Variants in DNAH8 observed in about 807,000 individuals in gnomAD.
The protein encoded by DNAH8 is dynein axonemal heavy chain 8, also known as axonemal beta dynein heavy chain 8.
A neutral mutation model predicts 562.1 loss-of-function variants in DNAH8; 382 were observed. That is an observed-to-expected ratio of 0.68 (90% CI 0.63 to 0.74). The LOEUF (loss-of-function observed/expected upper bound fraction) is 0.74, where lower values mean the gene tolerates loss of function less well. DNAH8 is among the 30% of genes least tolerant of loss of function. The pLI is 0.00. For missense variants in DNAH8, 5,203 were observed against 5,620.4 expected (o/e 0.93, Z 2.37); for synonymous variants, 1,881 against 1,919.4 (o/e 0.98, Z 0.52).
chr6:38,763,487 T>C (rs1252639415), intron 11 of DNAH8: 3 of 251,076 alleles, frequency 1.2e-5, no homozygotes, highest in African/African-American at 2.3e-5. Flanking sequence ...ATAATACACA[T>C]AGCTGTGATA....
At chr6:39,001,238 G>A (rs948394608) in intron 88 of DNAH8, among the ~76,000 whole-genome samples, 4 of 151,756 alleles carry the variant, frequency 2.6e-5, no homozygotes, top group Non-Finnish European at 4.4e-5. Flanking sequence ...CTTCTACATG[G>A]CCATTTCTGC....
intron 71 of DNAH8, among the ~76,000 whole-genome samples, chr6:38,922,026 GTCA>G (rs1300490863): frequency 1.3e-5 from 1 of 74,768 alleles, no homozygotes; most frequent in Non-Finnish European, 4.2e-5. Flanking sequence ...ACAAGGTAAT[GTCA>G]TCAGTTAAGG....
At chr6:38,787,753 G>T (rs868107746) in intron 18 of DNAH8, among the ~76,000 whole-genome samples, 2 of 144,586 alleles carry the variant, frequency 1.4e-5, no homozygotes, top group South Asian at 2.2e-4. Context: ...TTCAATCTTT[G>T]ATTCAAAGGT....
chr6:38,909,305 C>T lies in DNAH8; in HGVS notation c.9514-213C>T, dbSNP rs111555117. On this transcript the variant is annotated intron_variant, in intron 64 of 92. Transcript: ENST00000327475. ...TTAAAAGAAAGTTCCTAGAATTGAA[C>T]GCAATAATGTAGATGTAGTCCCAGG... 7.5e-3 allele frequency among the ~76,000 whole-genome samples: 1,138 copies of T among 152,268 alleles called. 12 individuals carry two copies. Among genetic ancestry groups the T allele is most frequent in the African/African-American group, 0.024 (1,013 of 41,538 alleles).
chr6:38,758,986 T>A (rs549813992), intron 10 of DNAH8, among the ~76,000 whole-genome samples: 16 of 152,208 alleles, frequency 1.1e-4, no homozygotes, highest in South Asian at 4.1e-4. Context: ...TGGTCTTTTT[T>A]AAAATAATTT....
chr6:38,887,266 T>C (rs983858377), intron 57 of DNAH8, among the ~76,000 whole-genome samples: 3 of 152,202 alleles, frequency 2.0e-5, no homozygotes, highest in African/African-American at 7.2e-5. Flanking sequence ...TTTCAGGACA[T>C]GGTTAATCAG....
intron 68 of DNAH8, among the ~76,000 whole-genome samples, chr6:38,916,560 T>A (rs977966529): frequency 1.3e-5 from 2 of 152,218 alleles, no homozygotes. Context: ...AATAAATCTA[T>A]GATAATCATT....
At chr6:38,988,985 G>C (rs117878099) in intron 87 of DNAH8, among the ~76,000 whole-genome samples, 1 of 152,334 alleles carries the variant, frequency 6.6e-6, no homozygotes, top group East Asian at 1.9e-4. Context: ...AGAAAGGACT[G>C]TGTGTCTCTT....
intron 42 of DNAH8, among the ~76,000 whole-genome samples, chr6:38,858,616 A>G (rs1776376011): frequency 6.6e-6 from 1 of 152,194 alleles, no homozygotes. Context: ...CTCCCATCCA[A>G]GACCTACTGA....
chr6:39,021,299 G>C (rs1462643296), intron 91 of DNAH8, among the ~76,000 whole-genome samples: 1 of 152,032 alleles, frequency 6.6e-6, no homozygotes, highest in Non-Finnish European at 1.5e-5. Flanking sequence ...CCCCACTCTT[G>C]ATCTACCTAC....
chr6:38,823,792 C>A, intron 28 of DNAH8, 104 bp downstream of exon 28: 1 of 560,008 alleles, frequency 1.8e-6, no homozygotes, highest in East Asian at 3.1e-5. Context: ...TAGTATTATA[C>A]CAAGATATAA....
rs369088361 is a variant in DNAH8, at chr6:38,926,063, G to A, written c.10971G>A (p.Glu3657=). Reference sequence around the variant, plus strand: ...CATTTCCTGTTGTTCAGATTGGTGAGTGGGGGCTACAGGGATTACCAGGAG... The same window carrying A: ...CATTTCCTGTTGTTCAGATTGGTGAATGGGGGCTACAGGGATTACCAGGAG... ...SMLVDPPTIG[E]WGLQGLPGDD... The change falls in exon 74 of 93, where the codon GAG becomes GAA. Residue 3657 remains glutamate (E), a synonymous_variant. Transcript: ENST00000327475. 7 of 1,613,050 alleles carry A rather than the reference G, an allele frequency of 4.3e-6. No individual in the cohort carries two copies. In the African/African-American group the frequency reaches 9.4e-5, roughly 22 times the overall value.
intron 17 of DNAH8, among the ~76,000 whole-genome samples, chr6:38,786,253 A>G (rs1385300742): frequency 6.6e-6 from 1 of 152,258 alleles, no homozygotes; most frequent in Non-Finnish European, 1.5e-5. Flanking sequence ...AGGATTTCAC[A>G]ACTCAATGGT....
chr6:38,761,909 G>A, intron 11 of DNAH8, 106 bp downstream of exon 11: 1 of 558,280 alleles, frequency 1.8e-6, no homozygotes, highest in Non-Finnish European at 3.1e-6. Context: ...TTCCTACAGA[G>A]TAGTGTTGAG....
intron 17 of DNAH8, among the ~76,000 whole-genome samples, chr6:38,786,213 A>G (rs1425906265): frequency 5.3e-5 from 8 of 152,246 alleles, no homozygotes; most frequent in Non-Finnish European, 1.2e-4. Context: ...TTTATGTGAG[A>G]TGTAGTGTAA....
intron 45 of DNAH8, among the ~76,000 whole-genome samples, chr6:38,865,085 C>T (rs1383573112): frequency 6.6e-6 from 1 of 152,184 alleles, no homozygotes; most frequent in African/African-American, 2.4e-5. Context: ...AAACCAAAGG[C>T]ATGAATAAAC....
intron 10 of DNAH8, among the ~76,000 whole-genome samples, chr6:38,758,150 C>T (rs904217476): frequency 6.6e-6 from 1 of 152,144 alleles, no homozygotes; most frequent in African/African-American, 2.4e-5. Context: ...TTGATTCTTC[C>T]TACCCATGAG....
intron 1 of DNAH8, among the ~76,000 whole-genome samples, chr6:38,721,549 G>C (rs1404077191): frequency 6.6e-6 from 1 of 151,360 alleles, no homozygotes; most frequent in African/African-American, 2.4e-5. Flanking sequence ...AGAGAGAAGG[G>C]GGTGGGGAGA....
chr6:38,965,410 G>T (rs143144686), intron 82 of DNAH8, among the ~76,000 whole-genome samples: 1 of 152,036 alleles, frequency 6.6e-6, no homozygotes, highest in Admixed American at 6.5e-5. Context: ...CATATTAAAA[G>T]GATTAGAATA....
Sources: gnomAD v4.1 joint callset for allele counts (sites outside exome capture counted in the v4.1 genomes callset) on GRCh38, gnomAD v4.1.1 for gene constraint, MANE v1.5 for transcripts, NCBI Gene and HGNC (gene_info 2026-07-23, HGNC 2026-07-21) for gene names.